Variants in MAPT observed in about 807,000 individuals in gnomAD.
MAPT encodes microtubule-associated protein tau.
MAPT carries 34 observed loss-of-function variants against 67.9 expected under a neutral mutation model. That is an observed-to-expected ratio of 0.50 (90% CI 0.38 to 0.67). The LOEUF is 0.67. Ranked by LOEUF, MAPT falls within the 30% of genes least tolerant of loss-of-function variation. MAPT has a pLI of 0.00. For synonymous variants in MAPT, 456 were observed against 464.5 expected (o/e 0.98, Z 0.23); for missense variants, 881 against 1,115.2 (o/e 0.79, Z 2.99).
chr17:46,001,178 A>G lies in MAPT; in HGVS notation c.1998+4514A>G, dbSNP rs183313725. 9.7e-4 allele frequency among the ~76,000 whole-genome samples: 147 copies of G among 152,208 alleles called. 2 individuals are homozygous for G. In the Middle Eastern group the frequency reaches 0.014, roughly 14 times the overall value. ...TGGGAGGTCAGGGCTGCAATGAGCC[A>G]TGTTCACACCACTGAACGCCAGCCT... On this transcript the variant is annotated intron_variant, in intron 9 of 12. Transcript: ENST00000262410.
chr17:45,976,720 G>A (rs1183366185), intron 3 of MAPT: 2 of 152,646 alleles, frequency 1.3e-5, no homozygotes, highest in Admixed American at 1.3e-4. Flanking sequence ...TCCCTCCATG[G>A]TGTTCCCAAG....
At chr17:46,001,089 C>T (rs2074961221) in intron 9 of MAPT, among the ~76,000 whole-genome samples, 1 of 151,786 alleles carries the variant, frequency 6.6e-6, no homozygotes, top group African/African-American at 2.4e-5. Flanking sequence ...ATTAGCTGGG[C>T]CTGTTGGCAC....
At chr17:45,946,855 T>C (rs916537085) in intron 1 of MAPT, among the ~76,000 whole-genome samples, 1 of 152,022 alleles carries the variant, frequency 6.6e-6, no homozygotes, top group Non-Finnish European at 1.5e-5. Context: ...CTCATGACAG[T>C]GGGCATTAGC....
At chr17:45,946,596 C>CT (rs1484257224) in intron 1 of MAPT, among the ~76,000 whole-genome samples, 3 of 38,018 alleles carry the variant, frequency 7.9e-5, no homozygotes, top group African/African-American at 4.0e-4. Flanking sequence ...GGGACTCTGT[C>CT]TTAAAAAAAA....
intron 1 of MAPT, among the ~76,000 whole-genome samples, chr17:45,916,247 T>C (rs2065198649): frequency 6.6e-6 from 1 of 152,232 alleles, no homozygotes; most frequent in Non-Finnish European, 1.5e-5. Context: ...TTCCCACTGG[T>C]CCTGAGAGGG....
At chr17:45,949,028 A>G (rs62062794) in intron 1 of MAPT, among the ~76,000 whole-genome samples, 21,819 of 152,344 alleles carry the variant, frequency 0.14, 2,137 homozygotes, top group Non-Finnish European at 0.22. Flanking sequence ...GATATAATTC[A>G]TATGCCATAA....
chr17:46,014,768 G>A (rs1454471906), intron 11 of MAPT, among the ~76,000 whole-genome samples: 1 of 152,110 alleles, frequency 6.6e-6, no homozygotes, highest in African/African-American at 2.4e-5. Flanking sequence ...CAGCTACTCC[G>A]GAGGCTGAGG....
intron 2 of MAPT, among the ~76,000 whole-genome samples, chr17:45,970,194 A>G (rs1277405229): frequency 1.3e-5 from 2 of 152,324 alleles, no homozygotes; most frequent in African/African-American, 2.4e-5. Context: ...TCAATTATAC[A>G]TACACACATC....
At chr17:45,935,644 T>A (rs920271095) in intron 1 of MAPT, among the ~76,000 whole-genome samples, 2 of 152,176 alleles carry the variant, frequency 1.3e-5, no homozygotes, top group African/African-American at 4.8e-5. Context: ...CCCAAATCTC[T>A]CTGATCCGGG....
intron 1 of MAPT, among the ~76,000 whole-genome samples, chr17:45,922,134 TC>T (rs558894107): frequency 2.6e-4 from 39 of 152,114 alleles, no homozygotes; most frequent in African/African-American, 9.4e-4. Flanking sequence ...TTCCTCAGCC[TC>T]CCAAGTAGCT....
chr17:45,914,723 C>CT (rs72448143), intron 1 of MAPT, among the ~76,000 whole-genome samples: 4,074 of 142,666 alleles, frequency 0.029, 139 homozygotes, highest in African/African-American at 0.08. Context: ...TACTTTTTAC[C>CT]TTTTTTTTTT....
chr17:45,932,018 G>A (rs943501055), intron 1 of MAPT: 3 of 152,034 alleles, frequency 2.0e-5, no homozygotes, highest in African/African-American at 7.2e-5. Flanking sequence ...GGGGGACAGA[G>A]GTTGCAGTGA....
At chr17:46,000,510 C>T (rs1190108394) in intron 9 of MAPT, among the ~76,000 whole-genome samples, 1 of 152,222 alleles carries the variant, frequency 6.6e-6, no homozygotes, top group African/African-American at 2.4e-5. Flanking sequence ...TTGTGGGAGT[C>T]GTGGGTGGCA....
intron 1 of MAPT, among the ~76,000 whole-genome samples, chr17:45,927,635 C>A (rs746743863): frequency 6.6e-6 from 1 of 152,096 alleles, no homozygotes; most frequent in Non-Finnish European, 1.5e-5. Flanking sequence ...CCCCTCTTTA[C>A]AACAAAACAA....
At chr17:45,953,999 TCA>T (rs1193494090) in intron 1 of MAPT, among the ~76,000 whole-genome samples, 1 of 152,172 alleles carries the variant, frequency 6.6e-6, no homozygotes. Flanking sequence ...TAAGACCGAT[TCA>T]CAGTTTTTCT....
intron 2 of MAPT, among the ~76,000 whole-genome samples, chr17:45,963,523 C>G (rs977674507): frequency 2.0e-5 from 3 of 152,226 alleles, no homozygotes; most frequent in Non-Finnish European, 4.4e-5. Flanking sequence ...CTCACAGCAA[C>G]AGCCCACAGT....
chr17:45,931,639 A>G lies in MAPT; in HGVS notation c.-17-30682A>G, dbSNP rs528554836. On this transcript the variant is annotated intron_variant, in intron 1 of 12. Transcript: ENST00000262410. ...TTTCTTGATTAATTATTTAAACAAT[A>G]TAATTCACAATTTTAAAATAATAAA... 5.9e-5 allele frequency among the ~76,000 whole-genome samples: 9 copies of G among 152,370 alleles called. No homozygotes were observed. In the East Asian group the frequency reaches 1.3e-3, roughly 23 times the overall value.
At chr17:45,973,862 T>G (rs58331591) in intron 3 of MAPT, 1 of 160,774 alleles carries the variant, frequency 6.2e-6, no homozygotes, top group Admixed American at 5.9e-5. Context: ...TTGTGGGTCA[T>G]GGGCTTGGAT....
chr17:45,941,043 T>C (rs1489337641), intron 1 of MAPT, among the ~76,000 whole-genome samples: 6 of 152,114 alleles, frequency 3.9e-5, no homozygotes, highest in Non-Finnish European at 8.8e-5. Flanking sequence ...AGTCAATTGC[T>C]TTTTCCTTGT....
Sources: allele counts gnomAD v4.1 joint callset (sites outside exome capture counted in the v4.1 genomes callset), GRCh38; gene constraint gnomAD v4.1.1; transcripts MANE v1.5; gene names NCBI Gene and HGNC (gene_info 2026-07-23, HGNC 2026-07-21).